The following DDR2 variants were observed in gnomAD, a reference collection of about 807,000 sequenced individuals.
DDR2 encodes discoidin domain-containing receptor 2.
DDR2 carries 27 observed loss-of-function variants against 94.9 expected under a neutral mutation model. That is an observed-to-expected ratio of 0.28 (90% CI 0.21 to 0.39). The LOEUF is 0.39. Ranked by LOEUF, DDR2 falls within the 10% of genes least tolerant of loss-of-function variation. The pLI is 1.00. For missense variants in DDR2, 783 were observed against 1,076.0 expected, an observed-to-expected ratio of 0.73 and a Z score of 3.81; for synonymous variants, 382 against 377.2, an observed-to-expected ratio of 1.01 and a Z score of -0.15.
intron 2 of DDR2, among the ~76,000 whole-genome samples, chr1:162,701,073 G>A (rs1329530822): frequency 2.1e-4 from 30 of 143,646 alleles, no homozygotes; most frequent in South Asian, 2.2e-4. Context: ...AAGAAGAACT[G>A]AAAAAAAAAA....
chr1:162,638,213 G>C (rs1656936759), intron 1 of DDR2, among the ~76,000 whole-genome samples: 1 of 152,048 alleles, frequency 6.6e-6, no homozygotes, highest in Non-Finnish European at 1.5e-5. Flanking sequence ...TAGAGTTGGG[G>C]TTTCACCAGG....
intron 2 of DDR2, among the ~76,000 whole-genome samples, chr1:162,713,569 G>T (rs544925863): frequency 9.2e-5 from 14 of 152,144 alleles, no homozygotes; most frequent in Non-Finnish European, 7.4e-5. Context: ...GTACATGAGT[G>T]TGTGTCTATC....
chr1:162,728,896 C>T (rs1314380028), intron 3 of DDR2, among the ~76,000 whole-genome samples: 1 of 151,968 alleles, frequency 6.6e-6, no homozygotes, highest in Non-Finnish European at 1.5e-5. Flanking sequence ...TTAGGTAAAT[C>T]TCTGCACCTC....
intron 2 of DDR2, among the ~76,000 whole-genome samples, chr1:162,712,295 T>C (rs1660954644): frequency 6.6e-6 from 1 of 150,612 alleles, no homozygotes; most frequent in South Asian, 2.1e-4. Flanking sequence ...GAACCCTACA[T>C]GGACTGGAAC....
At chr1:162,656,855 T>TA (rs1487675623) in intron 2 of DDR2, among the ~76,000 whole-genome samples, 3 of 133,766 alleles carry the variant, frequency 2.2e-5, no homozygotes, top group African/African-American at 7.9e-5. Flanking sequence ...TTTTTATTTT[T>TA]TTTGTTAACA....
chr1:162,731,395 CTTAT>C (rs1254671223), intron 3 of DDR2, among the ~76,000 whole-genome samples: 1 of 152,226 alleles, frequency 6.6e-6, no homozygotes, highest in African/African-American at 2.4e-5. Context: ...AATTTCTTCA[CTTAT>C]TTATTTATTT....
intron 3 of DDR2, among the ~76,000 whole-genome samples, chr1:162,725,550 G>A (rs558232918): frequency 1.8e-4 from 27 of 152,084 alleles, no homozygotes; most frequent in African/African-American, 6.0e-4. Context: ...AACTAGTTTG[G>A]GTACTTTTTG....
intron 7 of DDR2, among the ~76,000 whole-genome samples, chr1:162,757,999 C>T (rs1663541540): frequency 6.6e-6 from 1 of 152,072 alleles, no homozygotes; most frequent in African/African-American, 2.4e-5. Context: ...AAGCATTTTC[C>T]ATTACTATGA....
In DDR2 at chr1:162,773,450, C is replaced by G. The variant is rs1377011079; in HGVS notation, c.1729-19C>G. ...TTCAGGAGAAATGATGATGCTGAGA[C>G]TAGATGACTTTTGTCTAGGTTCATC... On this transcript the variant is annotated intron_variant, in intron 13 of 17. Transcript: ENST00000367921. 21 of 1,612,744 alleles carry G rather than the reference C, an allele frequency of 1.3e-5. No homozygotes were observed. Among genetic ancestry groups the G allele is most frequent in the Non-Finnish European group, 1.8e-5 (21 of 1,179,220 alleles).
In DDR2 at chr1:162,755,308, G is replaced by T; in HGVS notation, c.565+5G>T. 6.2e-7 allele frequency: 1 copy of T among 1,613,660 alleles called. No homozygotes were observed. The highest frequency in any genetic ancestry group is 8.5e-7 in the Non-Finnish European group (1 of 1,179,996). ...TTTACGGCTGTGTCTGGCTAGGTAG[G>T]TCACTAGCCCAGGAAGCCTATAGAC... On this transcript the variant is annotated splice_donor_5th_base_variant and intron_variant, in intron 6 of 17. Coordinates refer to ENST00000367921, the MANE Select transcript of DDR2 (RefSeq NM_006182.4).
chr1:162,750,270 A>T lies in DDR2; in HGVS notation c.83-2825A>T, dbSNP rs1219291575. 3.3e-5 allele frequency among the ~76,000 whole-genome samples: 5 copies of T among 152,316 alleles called. No individual in the cohort carries two copies. The South Asian group carries it at 1.0e-3, about 32-fold the overall frequency. On this transcript the variant is annotated intron_variant, in intron 3 of 17. Coordinates refer to ENST00000367921, the MANE Select transcript of DDR2 (RefSeq NM_006182.4). ...CATCATCTCAGCCCCAAATCTCCTT[A>T]AGCTGATCAGCAACTTCAGCAAAGT...
At chr1:162,754,891 A>C (rs113464204) in intron 5 of DDR2, 36 bp downstream of exon 5, 2 of 1,610,402 alleles carry the variant, frequency 1.2e-6, no homozygotes, top group Non-Finnish European at 1.7e-6. Context: ...TGGATGTCCA[A>C]GACCATATTT....
chr1:162,748,556 G>T (rs2102111454), intron 3 of DDR2, among the ~76,000 whole-genome samples: 1 of 152,222 alleles, frequency 6.6e-6, no homozygotes, highest in Non-Finnish European at 1.5e-5. Flanking sequence ...AATCATAATG[G>T]GAGATTTTAA....
chr1:162,758,380 A>G (rs1404291339), intron 7 of DDR2, among the ~76,000 whole-genome samples: 1 of 152,220 alleles, frequency 6.6e-6, no homozygotes, highest in African/African-American at 2.4e-5. Context: ...GGTGATTTTA[A>G]TAACTCTAAA....
chr1:162,737,254 C>T (rs1374270317), intron 3 of DDR2, among the ~76,000 whole-genome samples: 1 of 149,790 alleles, frequency 6.7e-6, no homozygotes, highest in Non-Finnish European at 1.5e-5. Flanking sequence ...GTGCGCTGCA[C>T]CCACTAACGT....
rs1183795114 is a variant in DDR2 at position 162,756,473 on chromosome 1, G to A, written c.671+704G>A. Reference sequence around the variant, plus strand: ...GGTACAGGATGCTCCCACCTATACTGTTTCACTTCAAGCCTTTAAGCCTTG... The same window carrying A: ...GGTACAGGATGCTCCCACCTATACTATTTCACTTCAAGCCTTTAAGCCTTG... On this transcript the variant is annotated intron_variant, in intron 7 of 17. Transcript: ENST00000367921. 4.6e-5 allele frequency among the ~76,000 whole-genome samples: 7 copies of A among 152,300 alleles called. No homozygotes were observed. The East Asian group carries it at 7.7e-4, about 17-fold the overall frequency.
rs980696131 is a variant in DDR2 at position 162,784,531 on chromosome 1, A to C, written c.*4285A>C. 1 of 152,644 alleles carries C rather than the reference A, an allele frequency of 6.6e-6. No individual in the cohort carries two copies. The highest frequency in any genetic ancestry group is 2.4e-5 in the African/African-American group (1 of 41,382). 9.5% of individuals were successfully genotyped at this position (152,644 alleles called of 1,614,324 possible). On this transcript the variant is annotated 3_prime_UTR_variant, in exon 18 of 18. Transcript: ENST00000367921. The stretch of plus-strand genomic sequence containing the variant: ...AGAAATGTAACATTTTTATAAAAAC[A>C]GATTAATGTGTTTTTCACTTAGTAA...
chr1:162,679,354 A>G (rs1012349492), intron 2 of DDR2, among the ~76,000 whole-genome samples: 1 of 152,140 alleles, frequency 6.6e-6, no homozygotes, highest in Non-Finnish European at 1.5e-5. Flanking sequence ...GTTCTCTGAC[A>G]TGGAAAGAGA....
rs1043303516 is a variant in DDR2, at chr1:162,726,947, A to G, written c.82+7802A>G. ...TCAAGCCCATAAGATCAAGACATAC[A>G]ATATAGCGATATAAGTATGTAAGAA... On this transcript the variant is annotated intron_variant, in intron 3 of 17. Coordinates refer to ENST00000367921, the MANE Select transcript of DDR2 (RefSeq NM_006182.4). Among the ~76,000 whole-genome samples, 15 of 151,822 alleles carry G rather than the reference A, an allele frequency of 9.9e-5. No homozygotes were observed. The South Asian group carries it at 3.1e-3, about 32-fold the overall frequency.
Sources: allele counts gnomAD v4.1 joint callset (sites outside exome capture counted in the v4.1 genomes callset), GRCh38; gene constraint gnomAD v4.1.1; transcripts MANE v1.5; gene names NCBI Gene and HGNC (gene_info 2026-07-23, HGNC 2026-07-21).